The following BUD13 variants were observed in gnomAD, a reference collection of about 807,000 sequenced individuals.
BUD13 encodes the protein BUD13 homolog.
A neutral mutation model predicts 62.5 loss-of-function variants in BUD13; 47 were observed. The observed-to-expected ratio is 0.75, with a 90% confidence interval of 0.60 to 0.96. BUD13 has a LOEUF of 0.96. Among genes scored for constraint, BUD13 ranks in the 40% least tolerant of loss-of-function variants. BUD13 has a pLI of 0.00. For missense variants in BUD13, 821 were observed against 790.9 expected (o/e 1.04, Z -0.46); for synonymous variants, 293 against 280.1 (o/e 1.05, Z -0.46).
chr11:116,770,347 A>G (rs543691159), intron 1 of BUD13, 125 bp from the exon 2 acceptor site: 105 of 722,142 alleles, frequency 1.5e-4, no homozygotes, highest in Non-Finnish European at 2.0e-4. Flanking sequence ...CTTTGTCTAC[A>G]AGGTCAACTT....
intron 3 of BUD13, 141 bp from the exon 4 acceptor site, chr11:116,763,407 G>C: frequency 1.5e-6 from 1 of 658,604 alleles, no homozygotes; most frequent in East Asian, 2.9e-5. Flanking sequence ...CAGTTTTCTT[G>C]CTTAGGGGCA....
At chr11:116,750,854 A>T (rs1237292078) in intron 9 of BUD13, among the ~76,000 whole-genome samples, 1 of 151,864 alleles carries the variant, frequency 6.6e-6, no homozygotes, top group African/African-American at 2.4e-5. Flanking sequence ...CGGTCTGCCA[A>T]CCTCTCTCAT....
At chr11:116,750,187 C>T (rs578176955) in intron 9 of BUD13, among the ~76,000 whole-genome samples, 14 of 151,986 alleles carry the variant, frequency 9.2e-5, no homozygotes, top group Non-Finnish European at 1.9e-4. Flanking sequence ...ATGGATGGAG[C>T]CCTGGGAAAG....
rs773016804 is a variant in BUD13, at chr11:116,758,400, A to T, written c.1368T>A (p.Phe456Leu). 6.2e-7 allele frequency: 1 copy of T among 1,613,928 alleles called. No individual in the cohort carries two copies. Among genetic ancestry groups the T allele is most frequent in the Admixed American group, 1.7e-5 (1 of 59,974 alleles). The change falls in exon 7 of 10, where the codon TTT becomes TTA. Residue 456 changes from phenylalanine (F) to leucine (L), a missense_variant. By Grantham distance (22) the Phe-to-Leu change is conservative. Transcript: ENST00000260210. Reference protein sequence around the residue: ...DQETMAFEAEFQYAETVFRDK... With the variant: ...DQETMAFEAELQYAETVFRDK... ...CTCGAAATACGGTTTCAGCATATTGAAATTCAGCTGCAAAGGAAAATTATA... is the reference window on the plus strand; with the variant it reads ...CTCGAAATACGGTTTCAGCATATTGTAATTCAGCTGCAAAGGAAAATTATA...
intron 3 of BUD13, among the ~76,000 whole-genome samples, chr11:116,764,096 T>G (rs939939409): frequency 1.3e-4 from 20 of 152,364 alleles, no homozygotes; most frequent in Admixed American, 3.9e-4. Flanking sequence ...CCATGTGCAA[T>G]CTTTAAAATA....
At chr11:116,754,694 T>C (rs1565311367) in intron 9 of BUD13, among the ~76,000 whole-genome samples, 1 of 152,224 alleles carries the variant, frequency 6.6e-6, no homozygotes, top group Non-Finnish European at 1.5e-5. Context: ...AGCAAAGATG[T>C]CTGCTCTCAC....
chr11:116,751,082 TC>T (rs1565310473), intron 9 of BUD13, among the ~76,000 whole-genome samples: 3 of 152,192 alleles, frequency 2.0e-5, no homozygotes, highest in Non-Finnish European at 4.4e-5. Flanking sequence ...ATCACTCACA[TC>T]CTCCTAAGGC....
chr11:116,769,772 C>A (rs1213005988), intron 2 of BUD13, among the ~76,000 whole-genome samples: 1 of 152,184 alleles, frequency 6.6e-6, no homozygotes, highest in Non-Finnish European at 1.5e-5. Context: ...AGAAGCTTGG[C>A]CTGGCACAAT....
chr11:116,768,767 G>A (rs779982972), intron 2 of BUD13, among the ~76,000 whole-genome samples: 4 of 151,938 alleles, frequency 2.6e-5, no homozygotes, highest in Non-Finnish European at 5.9e-5. Context: ...CCTTCAGGAG[G>A]CCGAGGTGGG....
intron 7 of BUD13, 49 bp from the exon 8 acceptor site, chr11:116,757,999 A>C: frequency 6.2e-7 from 1 of 1,600,630 alleles, no homozygotes; most frequent in South Asian, 1.1e-5. Flanking sequence ...TGACATTTCC[A>C]CTTCTACACG....
At chr11:116,768,593 A>G (rs569363747) in intron 2 of BUD13, among the ~76,000 whole-genome samples, 1 of 152,340 alleles carries the variant, frequency 6.6e-6, no homozygotes, top group Non-Finnish European at 1.5e-5. Context: ...ATTAAAAAAA[A>G]ACAACAAACA....
In BUD13 at chr11:116,757,772, T is replaced by C. The variant is rs1289168813; in HGVS notation, c.1678A>G (p.Lys560Glu). Reference protein sequence around the residue: ...KKNKAKENKNKKVRPRYSGPA... With the variant: ...KKNKAKENKNEKVRPRYSGPA... ...TGATTCCCAGAAGTCCCACCTTTTTTATTCTTGTTCTCCTTGGCCTTATTC... is the reference window on the plus strand; with the variant it reads ...TGATTCCCAGAAGTCCCACCTTTTTCATTCTTGTTCTCCTTGGCCTTATTC... Residue 560 changes from lysine to glutamate, a missense_variant, in exon 8 of 10, where the codon AAA becomes GAA. Lys to Glu is a moderately conservative substitution (Grantham distance 56, BLOSUM62 1). This residue lies in a region of BUD13 where 800 missense variants were observed against 739.2 expected (regional missense o/e 1.08). Coordinates refer to ENST00000260210, the MANE Select transcript of BUD13 (RefSeq NM_032725.4). The C allele has an allele frequency of 2.5e-6, 4 of 1,606,310 alleles. No individual in the cohort carries two copies. The highest frequency in any genetic ancestry group is 3.4e-6 in the Non-Finnish European group (4 of 1,177,970).
chr11:116,756,666 C>T (rs1691499095), intron 9 of BUD13, among the ~76,000 whole-genome samples: 1 of 152,110 alleles, frequency 6.6e-6, no homozygotes, highest in Non-Finnish European at 1.5e-5. Context: ...ATTCATCCAT[C>T]ATAACAGGAA....
In BUD13 at chr11:116,762,797, G is replaced by C. The variant is rs753560863; in HGVS notation, c.792C>G (p.Leu264=). 4.3e-6 allele frequency: 7 copies of C among 1,609,208 alleles called. No individual in the cohort carries two copies. In the East Asian group the frequency reaches 1.6e-4, roughly 36 times the overall value. ...RTLGSSDTQQ[L]RRARHDSPDL... ...CAGGGGAGTCATGACGGGCCCTTCT[G>C]AGTTGCTGTGTGTCTGAAGAGCCAA... is the stretch of plus-strand genomic sequence containing the variant. Residue 264 remains leucine, a synonymous_variant, in exon 4 of 10, where the codon CTC becomes CTG. Coordinates refer to ENST00000260210, the MANE Select transcript of BUD13 (RefSeq NM_032725.4).
intron 1 of BUD13, among the ~76,000 whole-genome samples, chr11:116,772,484 A>C (rs1259810641): frequency 1.3e-5 from 2 of 152,232 alleles, no homozygotes; most frequent in Admixed American, 1.3e-4. Flanking sequence ...TAAAGATCCA[A>C]GCACAGAGGC....
intron 6 of BUD13, among the ~76,000 whole-genome samples, chr11:116,758,754 G>GA (rs1555046509): frequency 2.0e-5 from 3 of 150,466 alleles, no homozygotes; most frequent in African/African-American, 7.3e-5. Context: ...TGCCTGGCTA[G>GA]TTTTTTTTTG....
rs1414371586 is a variant in BUD13 at position 116,763,012 on chromosome 11, C to A, written c.577G>T (p.Ala193Ser). The change falls in exon 4 of 10, where the codon GCC becomes TCC. Residue 193 changes from alanine (A) to serine (S), a missense_variant. Ala to Ser is a moderately conservative substitution (Grantham distance 99, BLOSUM62 1). Around this residue, in one of 2 missense-constraint regions of BUD13, gnomAD observed 800 missense variants for 739.2 expected, o/e 1.08. Coordinates refer to ENST00000260210, the MANE Select transcript of BUD13 (RefSeq NM_032725.4). The part of the protein sequence containing the change: ...DSSDTSPPRR[A>S]RHDSPDPSPP... ...GAAGGATCTGGAGAATCATGACGGG[C>A]CCTCCTTGGGGGTGAAGTGTCTGAG... 5 of 1,613,334 alleles carry A rather than the reference C, an allele frequency of 3.1e-6. No individual in the cohort carries two copies. The African/African-American group carries it at 6.7e-5, about 22-fold the overall frequency.
chr11:116,758,461 T>TA, intron 6 of BUD13, 54 bp from the exon 7 acceptor site: 1 of 1,591,812 alleles, frequency 6.3e-7, no homozygotes. Flanking sequence ...AATAACATTC[T>TA]AAGAGATCAA....
rs374117898 is a variant in BUD13, at chr11:116,759,188, C to T, written c.1255-9G>A. 247 of 1,604,362 alleles carry T rather than the reference C, an allele frequency of 1.5e-4. 3 individuals carry two copies. In the South Asian group the frequency reaches 2.1e-3, roughly 14 times the overall value. ...GAATACATGTGTGCAGCCTATGCAA[C>T]GGAAAAGGGAGCATCCAACATTAAT... On this transcript the variant is annotated splice_polypyrimidine_tract_variant and intron_variant, in intron 5 of 9. Coordinates refer to ENST00000260210, the MANE Select transcript of BUD13 (RefSeq NM_032725.4).
Sources: allele counts gnomAD v4.1 joint callset (sites outside exome capture counted in the v4.1 genomes callset), GRCh38; gene constraint gnomAD v4.1.1; regional missense constraint gnomAD v4.1.1; transcripts MANE v1.5; gene names NCBI Gene and HGNC (gene_info 2026-07-23, HGNC 2026-07-21).